The following DCLK3 variants were observed in gnomAD, a reference collection of about 807,000 sequenced individuals.
DCLK3 encodes the protein serine/threonine-protein kinase DCLK3.
Under a neutral mutation model 46.4 loss-of-function variants are expected in DCLK3, and 30 were observed. The observed-to-expected ratio is 0.65, with a 90% CI of 0.48 to 0.88. DCLK3 has a LOEUF of 0.88. Among genes scored for constraint, DCLK3 ranks in the 40% least tolerant of loss-of-function variants. The pLI, the probability that DCLK3 is intolerant of heterozygous loss-of-function variation, is 0.00. For synonymous variants in DCLK3, 401 were observed against 339.2 expected, an observed-to-expected ratio of 1.18 and a Z score of -2.00; for missense variants, 846 against 907.1, an observed-to-expected ratio of 0.93 and a Z score of 0.87.
intron 2 of DCLK3, among the ~76,000 whole-genome samples, chr3:36,732,278 A>G (rs1701208157): frequency 6.6e-6 from 1 of 152,260 alleles, no homozygotes; most frequent in African/African-American, 2.4e-5. Context: ...TTACAGAGGA[A>G]AGAAAACCTC....
chr3:36,715,576 T>G, intron 4 of DCLK3, 55 bp from the exon 5 acceptor site: 1 of 1,498,482 alleles, frequency 6.7e-7, no homozygotes, highest in Non-Finnish European at 8.9e-7. Context: ...TCTGAATTTT[T>G]CTTCCCCACA....
At chr3:36,720,644 A>G (rs1278759417) in intron 3 of DCLK3, among the ~76,000 whole-genome samples, 2 of 151,954 alleles carry the variant, frequency 1.3e-5, no homozygotes, top group Non-Finnish European at 2.9e-5. Flanking sequence ...AGCTCAGATT[A>G]CAGGCATGTG....
At chr3:36,754,597 A>C (rs1482625263) in intron 1 of DCLK3, among the ~76,000 whole-genome samples, 1 of 152,230 alleles carries the variant, frequency 6.6e-6, no homozygotes, top group African/African-American at 2.4e-5. Context: ...GACCAGTCAG[A>C]GACACTTACA....
Position 36,738,676 on chromosome 3 carries a change from C to T in DCLK3, c.491G>A (p.Gly164Glu). Residue 164 changes from glycine (G) to glutamate (E), a missense_variant, in exon 2 of 5, where the codon GGG becomes GAG. Physicochemically the swap from Gly to Glu is moderately conservative, Grantham distance 98 (BLOSUM62 -2). Transcript: ENST00000636136. Reference sequence around the variant, plus strand: ...TTTGCCCATAGCTATGAAAGCATCCCCTTCCCTGAAGAAATCAGAGACGCT... The same window carrying T: ...TTTGCCCATAGCTATGAAAGCATCCTCTTCCCTGAAGAAATCAGAGACGCT... ...IRSVSDFFRE[G>E]DAFIAMGKEP... 1 of 1,328,074 alleles carries T rather than the reference C, an allele frequency of 7.5e-7. No homozygotes were observed. Among genetic ancestry groups the T allele is most frequent in the Admixed American group, 3.0e-5 (1 of 32,958 alleles). The allele number at this position is 1,328,074 out of a possible 1,614,324, so 82.3% of individuals were successfully genotyped here. A position where few individuals can be genotyped will look rare whatever the true frequency, so the allele number is the denominator to read the frequency against.
chr3:36,730,795 G>C (rs1701189961), intron 2 of DCLK3, among the ~76,000 whole-genome samples: 1 of 151,840 alleles, frequency 6.6e-6, no homozygotes, highest in Admixed American at 6.6e-5. Flanking sequence ...TTAATAAGGT[G>C]GTTAAGGAAG....
At chr3:36,726,489 C>G (rs905188787) in intron 2 of DCLK3, among the ~76,000 whole-genome samples, 1 of 152,108 alleles carries the variant, frequency 6.6e-6, no homozygotes, top group Non-Finnish European at 1.5e-5. Context: ...TCTCAATGCT[C>G]CTACCAGTGC....
Position 36,714,982 on chromosome 3 carries a change from C to A in DCLK3, c.*346G>T. 1 of 199,838 alleles carries A rather than the reference C, an allele frequency of 5.0e-6. No homozygotes were observed. Among genetic ancestry groups the A allele is most frequent in the Non-Finnish European group, 1.0e-5 (1 of 98,434 alleles). The allele number at this position is 199,838 out of a possible 1,614,324, so 12.4% of individuals were successfully genotyped here. ...AAAGACCACAATGCACCTTATTAAT[C>A]TCACAGGGGGAGTTTAGACCCTGGT... On this transcript the variant is annotated 3_prime_UTR_variant, in exon 5 of 5. Transcript: ENST00000636136.
At position 36,712,923 on chromosome 3, in the gene DCLK3, G is replaced by A. The variant is rs553589254; in HGVS notation, c.*2405C>T. ...ATTGTGAAGTCTTCATAGGACATAT[G>A]CTTGAATTTCTGCTGGGTAAACATC... On this transcript the variant is annotated 3_prime_UTR_variant, in exon 5 of 5. Coordinates refer to ENST00000636136, the MANE Select transcript of DCLK3 (RefSeq NM_001394672.2). 1.3e-5 allele frequency: 2 copies of A among 152,254 alleles called. No individual in the cohort carries two copies. Among genetic ancestry groups the A allele is most frequent in the South Asian group, 4.1e-4 (2 of 4,826 alleles). 9.4% of individuals were successfully genotyped at this position (152,254 alleles called of 1,614,324 possible). A position where few individuals can be genotyped will look rare whatever the true frequency, so the allele number is the denominator to read the frequency against.
At chr3:36,745,866 C>T (rs1029163144) in intron 1 of DCLK3, among the ~76,000 whole-genome samples, 9 of 152,082 alleles carry the variant, frequency 5.9e-5, no homozygotes, top group Non-Finnish European at 1.0e-4. Flanking sequence ...GTTTTGTAAA[C>T]GAATAAAAAA....
At chr3:36,753,536 G>C (rs1701461565) in intron 1 of DCLK3, among the ~76,000 whole-genome samples, 1 of 152,158 alleles carries the variant, frequency 6.6e-6, no homozygotes, top group Non-Finnish European at 1.5e-5. Flanking sequence ...GAAACATAAA[G>C]AGAACCAAGA....
chr3:36,754,981 T>C (rs1424901923), intron 1 of DCLK3, among the ~76,000 whole-genome samples: 3 of 152,206 alleles, frequency 2.0e-5, no homozygotes, highest in South Asian at 2.1e-4. Flanking sequence ...TCTATATGTA[T>C]AGTGAAGCTT....
chr3:36,753,289 T>C (rs1022272766), intron 1 of DCLK3, among the ~76,000 whole-genome samples: 2 of 152,298 alleles, frequency 1.3e-5, no homozygotes, highest in East Asian at 1.9e-4. Context: ...CTCCTCCCAA[T>C]AGAATAAAAA....
At chr3:36,720,002 G>A (rs1034961372) in intron 3 of DCLK3, among the ~76,000 whole-genome samples, 7 of 152,144 alleles carry the variant, frequency 4.6e-5, no homozygotes, top group Admixed American at 2.0e-4. Context: ...CAACTGATAC[G>A]GTTTGGATAT....
chr3:36,716,589 C>T (rs940806718), intron 4 of DCLK3, among the ~76,000 whole-genome samples: 6 of 152,246 alleles, frequency 3.9e-5, no homozygotes, highest in Non-Finnish European at 5.9e-5. Context: ...GCAACATGTC[C>T]AAGCTCTGTC....
chr3:36,760,546 C>A (rs1701530357), intron 1 of DCLK3, among the ~76,000 whole-genome samples: 1 of 151,930 alleles, frequency 6.6e-6, no homozygotes, highest in African/African-American at 2.4e-5. Context: ...TTAATGGGTG[C>A]AGCACACCAA....
chr3:36,749,649 G>C (rs114886254), intron 1 of DCLK3, among the ~76,000 whole-genome samples: 1 of 152,180 alleles, frequency 6.6e-6, no homozygotes, highest in Non-Finnish European at 1.5e-5. Flanking sequence ...TACCAGATGA[G>C]GGGTCAGTCT....
At chr3:36,736,406 G>A (rs186829217) in intron 2 of DCLK3, among the ~76,000 whole-genome samples, 1 of 152,254 alleles carries the variant, frequency 6.6e-6, no homozygotes, top group Admixed American at 6.5e-5. Context: ...ATCTGCATTT[G>A]GACATCAGTA....
intron 2 of DCLK3, among the ~76,000 whole-genome samples, chr3:36,727,340 A>C (rs369857071): frequency 2.0e-5 from 3 of 152,204 alleles, no homozygotes; most frequent in Admixed American, 2.0e-4. Flanking sequence ...TTAGTATACC[A>C]AAGTAAGAAG....
At chr3:36,741,213 T>C (rs1374383548) in intron 1 of DCLK3, among the ~76,000 whole-genome samples, 2 of 152,192 alleles carry the variant, frequency 1.3e-5, no homozygotes, top group East Asian at 1.9e-4. Flanking sequence ...ATTGGGGAAC[T>C]GAGGAAGGGT....
Sources: gnomAD v4.1 joint callset for allele counts (sites outside exome capture counted in the v4.1 genomes callset) on GRCh38, gnomAD v4.1.1 for gene constraint, MANE v1.5 for transcripts, NCBI Gene and HGNC (gene_info 2026-07-23, HGNC 2026-07-21) for gene names.